Variants in SLC39A11 observed in about 807,000 individuals in gnomAD.
The protein encoded by SLC39A11 is zinc transporter ZIP11.
Under a neutral mutation model 36.1 loss-of-function variants are expected in SLC39A11, and 33 were observed. The observed-to-expected ratio is 0.91, with a 90% CI of 0.69 to 1.22. SLC39A11 has a LOEUF of 1.22. Ranked by LOEUF, SLC39A11 falls within the 50% of genes most tolerant of loss-of-function variation. The probability of loss-of-function intolerance (pLI) is 0.00; values close to 1 mark genes in which losing one functional copy is unlikely to be tolerated. For missense variants in SLC39A11, 432 were observed against 430.3 expected, an observed-to-expected ratio of 1.00 and a Z score of -0.03; for synonymous variants, 166 against 170.3, an observed-to-expected ratio of 0.97 and a Z score of 0.20.
chr17:73,000,989 T>C (rs1021682695), intron 4 of SLC39A11, among the ~76,000 whole-genome samples: 1 of 152,200 alleles, frequency 6.6e-6, no homozygotes. Context: ...TCCTATAGTA[T>C]CTGCTGCATC....
At chr17:72,717,539 G>A (rs894881179) in intron 7 of SLC39A11, among the ~76,000 whole-genome samples, 2 of 152,156 alleles carry the variant, frequency 1.3e-5, no homozygotes, top group East Asian at 1.9e-4. Context: ...CCACAAGGCC[G>A]TCTTCCCTCC....
chr17:73,003,162 C>G (rs777849337), intron 4 of SLC39A11, among the ~76,000 whole-genome samples: 2 of 152,156 alleles, frequency 1.3e-5, no homozygotes, highest in Non-Finnish European at 2.9e-5. Flanking sequence ...AGCCCAGACA[C>G]CTAAGCAAAT....
At chr17:72,726,389 G>A (rs527847553) in intron 7 of SLC39A11, among the ~76,000 whole-genome samples, 1 of 152,214 alleles carries the variant, frequency 6.6e-6, no homozygotes, top group South Asian at 2.1e-4. Flanking sequence ...TGCACACCTG[G>A]AGTCCCAGCT....
chr17:72,728,739 C>G (rs1232067912), intron 7 of SLC39A11, among the ~76,000 whole-genome samples: 1 of 152,174 alleles, frequency 6.6e-6, no homozygotes, highest in East Asian at 1.9e-4. Context: ...GCTCAGTTAG[C>G]TTGGTGCACG....
At chr17:73,030,867 T>C (rs554310164) in intron 4 of SLC39A11, among the ~76,000 whole-genome samples, 5 of 152,228 alleles carry the variant, frequency 3.3e-5, no homozygotes, top group Non-Finnish European at 5.9e-5. Flanking sequence ...AGGCTGCGGT[T>C]TGCACGGTGC....
intron 3 of SLC39A11, among the ~76,000 whole-genome samples, chr17:73,032,866 A>AC (rs1478843509): frequency 1.3e-5 from 2 of 152,114 alleles, no homozygotes; most frequent in South Asian, 4.1e-4. Context: ...CATCACAACC[A>AC]CCCCAGAGGC....
At chr17:72,925,141 T>C (rs8071826) in intron 5 of SLC39A11, among the ~76,000 whole-genome samples, 15,216 of 152,090 alleles carry the variant, frequency 0.1, 1,256 homozygotes, top group African/African-American at 0.23. Flanking sequence ...TGCGCTTCTT[T>C]CTCTTTTGAA....
At chr17:72,723,357 C>T (rs1377144133) in intron 7 of SLC39A11, among the ~76,000 whole-genome samples, 1 of 133,268 alleles carries the variant, frequency 7.5e-6, no homozygotes, top group Non-Finnish European at 1.5e-5. Flanking sequence ...TGTGTGTTTG[C>T]AGCCTAGCTG....
At chr17:72,979,142 G>A (rs898823306) in intron 4 of SLC39A11, among the ~76,000 whole-genome samples, 11 of 152,074 alleles carry the variant, frequency 7.2e-5, no homozygotes, top group African/African-American at 2.4e-4. Flanking sequence ...GAGTTCTCAC[G>A]AGATCTGATG....
chr17:72,989,959 C>G (rs1011382581), intron 4 of SLC39A11, among the ~76,000 whole-genome samples: 1 of 152,168 alleles, frequency 6.6e-6, no homozygotes. Flanking sequence ...TTCGATGAGA[C>G]GTCATCCTAA....
intron 4 of SLC39A11, among the ~76,000 whole-genome samples, chr17:72,980,509 T>TA (rs903475279): frequency 1.8e-4 from 28 of 151,514 alleles, no homozygotes; most frequent in Non-Finnish European, 3.2e-4. Flanking sequence ...ACAAAGCTTG[T>TA]AAAAAAAAAT....
At chr17:73,048,546 T>C (rs1057214971) in intron 3 of SLC39A11, among the ~76,000 whole-genome samples, 1 of 152,212 alleles carries the variant, frequency 6.6e-6, no homozygotes, top group African/African-American at 2.4e-5. Flanking sequence ...CATTTGGGTG[T>C]ATACCCAGTA....
chr17:73,076,694 ACACT>A (rs911882318), intron 3 of SLC39A11, among the ~76,000 whole-genome samples: 1 of 152,192 alleles, frequency 6.6e-6, no homozygotes, highest in African/African-American at 2.4e-5. Flanking sequence ...CACTGACCTG[ACACT>A]CACTACGTGT....
intron 3 of SLC39A11, chr17:73,068,222 G>A (rs922374485): frequency 1.1e-5 from 10 of 940,650 alleles, no homozygotes; most frequent in African/African-American, 6.6e-5. Flanking sequence ...GGAGACCTCC[G>A]TAAGTCCTTC....
intron 4 of SLC39A11, among the ~76,000 whole-genome samples, chr17:72,950,501 G>C (rs1024806766): frequency 7.9e-5 from 12 of 152,150 alleles, no homozygotes; most frequent in African/African-American, 2.4e-4. Context: ...ACAGCTCTTT[G>C]TTTGTTTATA....
At chr17:72,649,552 C>T (rs1567903729) in intron 7 of SLC39A11, among the ~76,000 whole-genome samples, 1 of 152,248 alleles carries the variant, frequency 6.6e-6, no homozygotes, top group Non-Finnish European at 1.5e-5. Flanking sequence ...CTGGCTGGCT[C>T]TCAGGGTGCC....
intron 5 of SLC39A11, among the ~76,000 whole-genome samples, chr17:72,878,278 G>A (rs1043286426): frequency 7.9e-5 from 12 of 152,238 alleles, no homozygotes; most frequent in Non-Finnish European, 1.2e-4. Flanking sequence ...TCTGTCAACC[G>A]ACACTGTCAC....
At chr17:72,784,207 T>G (rs2076420650) in intron 6 of SLC39A11, among the ~76,000 whole-genome samples, 1 of 152,066 alleles carries the variant, frequency 6.6e-6, no homozygotes, top group African/African-American at 2.4e-5. Context: ...TAGCTGGGCA[T>G]GGTGGCGCAT....
intron 3 of SLC39A11, among the ~76,000 whole-genome samples, chr17:73,035,434 C>A (rs2058873308): frequency 6.6e-6 from 1 of 152,168 alleles, no homozygotes; most frequent in Non-Finnish European, 1.5e-5. Flanking sequence ...GCCACCGCAC[C>A]CGGCCAAAAA....
Sources: allele counts gnomAD v4.1 joint callset (sites outside exome capture counted in the v4.1 genomes callset), GRCh38; gene constraint gnomAD v4.1.1; transcripts MANE v1.5; gene names NCBI Gene and HGNC (gene_info 2026-07-23, HGNC 2026-07-21).